The following DGKG variants were observed in gnomAD, a reference collection of about 807,000 sequenced individuals.
DGKG encodes diacylglycerol kinase gamma, also known as DAG kinase gamma.
DGKG carries 78 observed loss-of-function variants against 105.3 expected under a neutral mutation model. That is an observed-to-expected ratio of 0.74 (90% CI 0.62 to 0.89). DGKG has a LOEUF of 0.89. Among genes scored for constraint, DGKG ranks in the 40% least tolerant of loss-of-function variants. The pLI is 0.00. For missense variants in DGKG, 958 were observed against 1,020.1 expected (o/e 0.94, Z 0.83); for synonymous variants, 346 against 367.1 (o/e 0.94, Z 0.66).
chr3:186,248,840 G>C (rs1356396356), intron 19 of DGKG, among the ~76,000 whole-genome samples: 1 of 152,188 alleles, frequency 6.6e-6, no homozygotes, highest in Non-Finnish European at 1.5e-5. Context: ...ACCTCTCTAA[G>C]CTATGGTTCC....
intron 22 of DGKG, among the ~76,000 whole-genome samples, chr3:186,184,000 G>A (rs975838833): frequency 2.0e-5 from 3 of 152,170 alleles, no homozygotes; most frequent in Non-Finnish European, 4.4e-5. Context: ...CACCATGCCC[G>A]GCTGAGCTCT....
At chr3:186,351,074 T>C (rs138352550) in intron 1 of DGKG, among the ~76,000 whole-genome samples, 8 of 152,368 alleles carry the variant, frequency 5.3e-5, no homozygotes, top group African/African-American at 1.7e-4. Flanking sequence ...GAGATGTTAG[T>C]GGAATTCTTC....
rs141678179 is a variant in DGKG at position 186,211,847 on chromosome 3, G to A, written c.1865C>T (p.Ser622Leu). The stretch of plus-strand genomic sequence containing the variant: ...CTTGCAGGTCGCTGCAAAAGTCTCC[G>A]AGGTGCCAAATTCAAAGTACCACAG... The part of the protein sequence containing the change: ...NKLWYFEFGT[S>L]ETFAATCKKL... Residue 622 changes from serine to leucine, a missense_variant, in exon 21 of 25, where the codon TCG becomes TTG. Physicochemically the swap from Ser to Leu is moderately radical, Grantham distance 145 (BLOSUM62 -2). This residue lies in a region of DGKG where 315 missense variants were observed against 400.6 expected (regional missense o/e 0.79). Transcript: ENST00000265022. 5.0e-6 allele frequency: 8 copies of A among 1,614,048 alleles called. No homozygotes were observed. The highest frequency in any genetic ancestry group is 4.0e-5 in the African/African-American group (3 of 74,912).
rs998163970 is a variant in DGKG at position 186,284,846 on chromosome 3, T to C, written c.545-137A>G. 3 of 703,888 alleles carry C rather than the reference T, an allele frequency of 4.3e-6. No individual in the cohort carries two copies. The highest frequency in any genetic ancestry group is 3.4e-5 in the South Asian group (2 of 58,690). The allele number at this position is 703,888 out of a possible 1,614,324, so 43.6% of individuals were successfully genotyped here. Reference sequence around the variant, plus strand: ...TATGGCAGCCAGCTCTCCCTCCCTCTGAGCACAGAGTCTGACTTCCTTACA... The same window carrying C: ...TATGGCAGCCAGCTCTCCCTCCCTCCGAGCACAGAGTCTGACTTCCTTACA... On this transcript the variant is annotated intron_variant, in intron 6 of 24. Transcript: ENST00000265022. This position sits in a 1 kb window ranked among gnomAD's most constrained non-coding sequence, Gnocchi z 4.0.
chr3:186,256,989 A>G (rs1488242517), intron 17 of DGKG, among the ~76,000 whole-genome samples: 1 of 152,204 alleles, frequency 6.6e-6, no homozygotes, highest in African/African-American at 2.4e-5. Context: ...GGTGTGCTCC[A>G]TGAAAGTGGA....
intron 1 of DGKG, among the ~76,000 whole-genome samples, chr3:186,351,147 G>A (rs1271825850): frequency 6.6e-6 from 1 of 152,058 alleles, no homozygotes; most frequent in African/African-American, 2.4e-5. Context: ...ACTTACAGTT[G>A]GTTGGTCTTT....
intron 1 of DGKG, among the ~76,000 whole-genome samples, chr3:186,321,032 T>C (rs1349809624): frequency 6.6e-6 from 1 of 152,192 alleles, no homozygotes; most frequent in African/African-American, 2.4e-5. Context: ...GCTTCATGAG[T>C]AATTACAGGA....
rs146612944 is a variant in DGKG at position 186,316,560 on chromosome 3, A to G, written c.67+3833T>C. 7.9e-3 allele frequency among the ~76,000 whole-genome samples: 1,202 copies of G among 152,340 alleles called. 11 individuals carry two copies. The highest frequency in any genetic ancestry group is 0.027 in the Middle Eastern group (8 of 294). On this transcript the variant is annotated intron_variant, in intron 2 of 24. Coordinates refer to ENST00000265022, the MANE Select transcript of DGKG (RefSeq NM_001346.3). ...TTAGCTCTTTTGATAAGTACTTTAC[A>G]TTGTAGATTGATAACAAACTTACTG...
rs569802785 is a variant in DGKG at position 186,242,376 on chromosome 3, G to A, written c.1826+128C>T. 60 of 681,414 alleles carry A rather than the reference G, an allele frequency of 8.8e-5. 1 individual carries two copies. In the South Asian group the frequency reaches 1.1e-3, roughly 12 times the overall value. The allele number at this position is 681,414 out of a possible 1,614,324, so 42.2% of individuals were successfully genotyped here. A position where few individuals can be genotyped will look rare whatever the true frequency, so the allele number is the denominator to read the frequency against. On this transcript the variant is annotated intron_variant, in intron 20 of 24. Coordinates refer to ENST00000265022, the MANE Select transcript of DGKG (RefSeq NM_001346.3). ...TCTTGGAAATGGAAACCCTCCTTCC[G>A]GCAAGTGGCAGGAAGGCCAAGTCCC...
At chr3:186,251,683 G>A in intron 19 of DGKG, 76 bp downstream of exon 19, 1 of 1,561,278 alleles carries the variant, frequency 6.4e-7, no homozygotes, top group Non-Finnish European at 8.8e-7. Context: ...TAGGGACCCA[G>A]AGGGGACAAC....
chr3:186,220,982 C>T (rs1578683781), intron 20 of DGKG, among the ~76,000 whole-genome samples: 2 of 152,234 alleles, frequency 1.3e-5, no homozygotes, highest in African/African-American at 4.8e-5. Context: ...AGTCTGAAAT[C>T]GGATCCTTTC....
At chr3:186,313,188 T>C (rs564305617) in intron 2 of DGKG, among the ~76,000 whole-genome samples, 17 of 152,324 alleles carry the variant, frequency 1.1e-4, no homozygotes, top group African/African-American at 4.1e-4. Flanking sequence ...CAAACTGTGA[T>C]TAAATGATCT....
At chr3:186,320,186 A>G (rs1181633963) in intron 2 of DGKG, among the ~76,000 whole-genome samples, 4 of 152,278 alleles carry the variant, frequency 2.6e-5, no homozygotes, top group South Asian at 4.1e-4. Flanking sequence ...GCAAATTTCT[A>G]TGGTGAGCAC....
At chr3:186,218,272 A>AGGC (rs903542577) in intron 20 of DGKG, among the ~76,000 whole-genome samples, 5 of 152,060 alleles carry the variant, frequency 3.3e-5, no homozygotes, top group African/African-American at 1.2e-4. Context: ...TGGGAGGCTG[A>AGGC]GGCGGGTGGA....
intron 2 of DGKG, among the ~76,000 whole-genome samples, chr3:186,315,109 C>T (rs1466879452): frequency 1.3e-5 from 2 of 152,128 alleles, no homozygotes; most frequent in African/African-American, 4.8e-5. Context: ...ATTTAATCAA[C>T]CAGATGACTA....
chr3:186,257,748 G>T, intron 17 of DGKG, 106 bp downstream of exon 17: 2 of 832,784 alleles, frequency 2.4e-6, no homozygotes, highest in Non-Finnish European at 4.1e-6. Flanking sequence ...AAGATACAAG[G>T]ATGAACAGAC....
chr3:186,288,343 T>C (rs1415297352), intron 6 of DGKG, among the ~76,000 whole-genome samples: 2 of 152,326 alleles, frequency 1.3e-5, no homozygotes, highest in East Asian at 1.9e-4. Flanking sequence ...ATGTTGAATA[T>C]CTTTCTTTAA....
At chr3:186,241,317 C>A (rs1183072668) in intron 20 of DGKG, among the ~76,000 whole-genome samples, 1 of 147,976 alleles carries the variant, frequency 6.8e-6, no homozygotes, top group Non-Finnish European at 1.5e-5. Context: ...CTTTGGGAGG[C>A]CGAGGAGGAC....
At chr3:186,271,586 A>G (rs1722319058) in intron 11 of DGKG, among the ~76,000 whole-genome samples, 1 of 152,140 alleles carries the variant, frequency 6.6e-6, no homozygotes, top group Non-Finnish European at 1.5e-5. Flanking sequence ...CACAAATTCG[A>G]TCACATCTTT....
Sources: gnomAD v4.1 joint callset for allele counts (sites outside exome capture counted in the v4.1 genomes callset) on GRCh38, gnomAD v4.1.1 for gene constraint, gnomAD v4.1.1 regional missense constraint, Gnocchi (gnomAD v3.1) non-coding constraint, MANE v1.5 for transcripts, NCBI Gene and HGNC (gene_info 2026-07-23, HGNC 2026-07-21) for gene names.